Variants in RPTOR observed in about 807,000 individuals in gnomAD.
RPTOR encodes the protein regulatory associated protein of MTOR complex 1.
Under a neutral mutation model 169.9 loss-of-function variants are expected in RPTOR, and 21 were observed. That is an observed-to-expected ratio of 0.12 (90% CI 0.09 to 0.18). RPTOR has a LOEUF of 0.18. Ranked by LOEUF, RPTOR falls within the 10% of genes least tolerant of loss-of-function variation. RPTOR has a pLI of 1.00. For missense variants in RPTOR, 1,133 were observed against 1,855.9 expected, an observed-to-expected ratio of 0.61 and a Z score of 7.16; for synonymous variants, 732 against 753.2, an observed-to-expected ratio of 0.97 and a Z score of 0.46.
intron 1 of RPTOR, among the ~76,000 whole-genome samples, chr17:80,622,593 C>T (rs546555302): frequency 3.4e-4 from 52 of 152,238 alleles, no homozygotes; most frequent in African/African-American, 1.2e-3. Flanking sequence ...GGCAGAGATG[C>T]AGTTCCTTTA....
chr17:80,560,451 C>CT (rs1295768991), intron 1 of RPTOR, among the ~76,000 whole-genome samples: 2 of 152,186 alleles, frequency 1.3e-5, no homozygotes, highest in Non-Finnish European at 2.9e-5. Flanking sequence ...GTTTTCCAGT[C>CT]TATCAGGGCA....
rs139619055 is a variant in RPTOR, at chr17:80,670,336, C to T, written c.348+26526C>T. On this transcript the variant is annotated intron_variant, in intron 3 of 33. Coordinates refer to ENST00000306801, the MANE Select transcript of RPTOR (RefSeq NM_020761.3). ...GGAATTTGCGCCTTCCCTCTCCTTT[C>T]CCACTCCTTGTTCTAATTCTCAGTC... is the stretch of plus-strand genomic sequence containing the variant. Among the ~76,000 whole-genome samples the T allele has an allele frequency of 6.2e-3, 950 of 152,266 alleles. 5 individuals carry two copies. Among genetic ancestry groups the T allele is most frequent in the Non-Finnish European group, 8.3e-3 (563 of 68,010 alleles).
chr17:80,688,820 G>T (rs1400317160), intron 3 of RPTOR, among the ~76,000 whole-genome samples: 1 of 152,246 alleles, frequency 6.6e-6, no homozygotes, highest in Non-Finnish European at 1.5e-5. Flanking sequence ...ACACTGACCA[G>T]CTTGGGGCTG....
In RPTOR at chr17:80,646,666, T is replaced by G. The variant is rs550547306; in HGVS notation, c.348+2856T>G. On this transcript the variant is annotated intron_variant, in intron 3 of 33. Transcript: ENST00000306801. The surrounding 1 kb of genome is among the most constrained non-coding windows in gnomAD (Gnocchi z 5.0). ...CAGGGCTCTTGAGTTTCTGCAGTAA[T>G]AAAGAGAGGTTGATGTGCCATCTGC... 7.2e-5 allele frequency among the ~76,000 whole-genome samples: 11 copies of G among 152,086 alleles called. No individual in the cohort carries two copies. The highest frequency in any genetic ancestry group is 1.6e-4 in the Non-Finnish European group (11 of 68,016).
At position 80,779,663 on chromosome 17, in the gene RPTOR, A is replaced by G. The variant is rs371720401; in HGVS notation, c.831-11787A>G. On this transcript the variant is annotated intron_variant, in intron 6 of 33. Coordinates refer to ENST00000306801, the MANE Select transcript of RPTOR (RefSeq NM_020761.3). ...GAGACCCTCAGTGGCGCATGTCTGG[A>G]GGCTGCTGACCTAGCGTCGCAACCA... is the stretch of plus-strand genomic sequence containing the variant. Among the ~76,000 whole-genome samples, 18 of 152,176 alleles carry G rather than the reference A, an allele frequency of 1.2e-4. No homozygotes were observed. In the South Asian group the frequency reaches 3.7e-3, roughly 32 times the overall value.
intron 21 of RPTOR, among the ~76,000 whole-genome samples, chr17:80,916,021 C>G (rs1333877278): frequency 6.6e-6 from 1 of 152,152 alleles, no homozygotes; most frequent in Non-Finnish European, 1.5e-5. Context: ...CAGTAAAGCT[C>G]CTCTTCAGCT....
chr17:80,730,851 A>G lies in RPTOR; in HGVS notation c.654+145A>G, dbSNP rs539729651. ...TGCCAAGGGCAGGATGGCATATTCA[A>G]TGCTGTTGAGCTAGGGAGGCACTCA... is the stretch of plus-strand genomic sequence containing the variant. On this transcript the variant is annotated intron_variant, in intron 5 of 33. Transcript: ENST00000306801. The surrounding 1 kb of genome is among the most constrained non-coding windows in gnomAD (Gnocchi z 4.2). The G allele has an allele frequency of 7.4e-6, 6 of 814,292 alleles. No homozygotes were observed. The highest frequency in any genetic ancestry group is 6.8e-5 in the South Asian group (4 of 58,786). 50.4% of individuals were successfully genotyped at this position (814,292 alleles called of 1,614,324 possible).
At chr17:80,835,158 T>A (rs925728348) in intron 9 of RPTOR, among the ~76,000 whole-genome samples, 5 of 152,216 alleles carry the variant, frequency 3.3e-5, no homozygotes, top group Non-Finnish European at 2.9e-5. Context: ...AGGGCATGTT[T>A]GTGCAAAGAG....
At chr17:80,783,506 T>C (rs1324355572) in intron 6 of RPTOR, among the ~76,000 whole-genome samples, 3 of 152,282 alleles carry the variant, frequency 2.0e-5, no homozygotes, top group Non-Finnish European at 2.9e-5. Context: ...ATTTTTCTTA[T>C]AACCAAATTA....
chr17:80,685,646 T>TA lies in RPTOR; in HGVS notation c.349-22195_349-22194insA, dbSNP rs60572777. Among the ~76,000 whole-genome samples, 347 of 108,582 alleles carry TA rather than the reference T, an allele frequency of 3.2e-3. 3 individuals carry two copies. Among genetic ancestry groups the TA allele is most frequent in the South Asian group, 5.8e-3 (17 of 2,952 alleles). The allele number at this position is 108,582 out of a possible 152,430, so 71.2% of individuals were successfully genotyped here. On this transcript the variant is annotated intron_variant, in intron 3 of 33. Transcript: ENST00000306801. ...ATATATATTTTTTTTTTTTTTTTTT[T>TA]TTTTTTTTTTTGCTGTGAATTATCT...
chr17:80,700,507 G>A (rs1345024426), intron 3 of RPTOR, among the ~76,000 whole-genome samples: 31 of 143,766 alleles, frequency 2.2e-4, no homozygotes, highest in African/African-American at 7.4e-4. Context: ...TAGAGATGAT[G>A]GTGATGGTGA....
At chr17:80,858,102 G>A in intron 13 of RPTOR, 1 of 591,360 alleles carries the variant, frequency 1.7e-6, no homozygotes, top group South Asian at 1.9e-5. Flanking sequence ...TCACCTACCT[G>A]TCCTGTCCCT....
At position 80,724,239 on chromosome 17, in the gene RPTOR, C is replaced by T. The variant is rs142789825; in HGVS notation, c.508-6321C>T. Among the ~76,000 whole-genome samples, 11 of 151,220 alleles carry T rather than the reference C, an allele frequency of 7.3e-5. 1 individual carries two copies. The highest frequency in any genetic ancestry group is 2.5e-4 in the African/African-American group (10 of 40,538). ...ACATGAGAGCTGGTTCCCCTTGGAG[C>T]CTGTCTCCTGTTAAGTGAGAAGCCA... On this transcript the variant is annotated intron_variant, in intron 4 of 33. Transcript: ENST00000306801.
intron 24 of RPTOR, among the ~76,000 whole-genome samples, chr17:80,933,578 G>C (rs953883953): frequency 2.0e-5 from 3 of 152,110 alleles, no homozygotes; most frequent in Non-Finnish European, 4.4e-5. Flanking sequence ...CACCATCCCT[G>C]GCAGCCTTTT....
chr17:80,751,774 G>T (rs1354420921), intron 5 of RPTOR, among the ~76,000 whole-genome samples: 1 of 152,196 alleles, frequency 6.6e-6, no homozygotes, highest in African/African-American at 2.4e-5. Flanking sequence ...GTCACAAACA[G>T]CGTCCAGGCC....
chr17:80,687,772 G>A (rs2065959902), intron 3 of RPTOR, among the ~76,000 whole-genome samples: 1 of 152,216 alleles, frequency 6.6e-6, no homozygotes, highest in Admixed American at 6.5e-5. Flanking sequence ...TGAGATGGAG[G>A]CGTAGCTTCA....
At chr17:80,546,830 T>G (rs1209883788) in intron 1 of RPTOR, among the ~76,000 whole-genome samples, 3 of 152,034 alleles carry the variant, frequency 2.0e-5, no homozygotes, top group African/African-American at 7.2e-5. Context: ...AAGGCAGGCC[T>G]CCCAAAGGCA....
chr17:80,723,179 CT>C (rs2143168381), intron 4 of RPTOR, among the ~76,000 whole-genome samples: 1 of 148,758 alleles, frequency 6.7e-6, no homozygotes, highest in South Asian at 2.1e-4. Context: ...GAAGTGGTGC[CT>C]TGTGTGTTTC....
intron 1 of RPTOR, among the ~76,000 whole-genome samples, chr17:80,561,603 TG>T (rs2084496558): frequency 6.6e-6 from 1 of 151,834 alleles, no homozygotes; most frequent in Admixed American, 6.6e-5. Context: ...GGCTGATTTT[TG>T]TATTTTTTTG....
Sources: allele counts gnomAD v4.1 joint callset (sites outside exome capture counted in the v4.1 genomes callset), GRCh38; gene constraint gnomAD v4.1.1; non-coding constraint Gnocchi (gnomAD v3.1); transcripts MANE v1.5; gene names NCBI Gene and HGNC (gene_info 2026-07-23, HGNC 2026-07-21).